ADCY7: variants seen among roughly 807,000 people sequenced by gnomAD.
ADCY7 encodes the protein adenylate cyclase type 7.
Under a neutral mutation model 120.6 loss-of-function variants are expected in ADCY7, and 72 were observed. The ratio of observed to expected loss-of-function variants is 0.60; its 90% CI spans 0.49 to 0.73. The LOEUF is 0.73. ADCY7 is among the 30% of genes least tolerant of loss of function. ADCY7 has a pLI of 0.00. For missense variants in ADCY7, 1,227 were observed against 1,486.0 expected, an observed-to-expected ratio of 0.83 and a Z score of 2.87; for synonymous variants, 661 against 628.0, an observed-to-expected ratio of 1.05 and a Z score of -0.78.
intron 17 of ADCY7, chr16:50,309,027 G>C (rs944267433): frequency 8.8e-6 from 4 of 456,712 alleles, no homozygotes; most frequent in Middle Eastern, 5.8e-4. Context: ...GTGATGCCTT[G>C]AGCCACCACA....
At chr16:50,291,371 C>T (rs540633078) in intron 3 of ADCY7, among the ~76,000 whole-genome samples, 1,862 of 151,518 alleles carry the variant, frequency 0.012, 49 homozygotes, top group African/African-American at 0.043. Flanking sequence ...CGGGTGGGGC[C>T]GCATTGCTGG....
At chr16:50,305,447 C>T (rs1596966768) in intron 12 of ADCY7, 56 bp from the exon 13 acceptor site, 9 of 1,510,778 alleles carry the variant, frequency 6.0e-6, no homozygotes, top group Non-Finnish European at 8.3e-6. Context: ...ACACCCTCCT[C>T]TGGGAGAGTT....
chr16:50,268,444 A>G (rs2033354244), intron 1 of ADCY7, among the ~76,000 whole-genome samples: 1 of 152,016 alleles, frequency 6.6e-6, no homozygotes, highest in Non-Finnish European at 1.5e-5. Flanking sequence ...TCTGTCACCC[A>G]TGCTGGAGTG....
chr16:50,244,725 C>T (rs1475718560), upstream of ADCY7, among the ~76,000 whole-genome samples: 2 of 152,236 alleles, frequency 1.3e-5, no homozygotes, highest in African/African-American at 2.4e-5. Context: ...CCATTACCGG[C>T]GCAGGGAGGC....
intron 1 of ADCY7, among the ~76,000 whole-genome samples, chr16:50,247,005 G>A (rs2032609869): frequency 6.6e-6 from 1 of 152,180 alleles, no homozygotes; most frequent in African/African-American, 2.4e-5. Flanking sequence ...CTGTGTGGTC[G>A]GCTGAAGCCC....
chr16:50,290,415 C>G (rs772384080), intron 2 of ADCY7, 42 bp from the exon 3 acceptor site: 2 of 1,609,910 alleles, frequency 1.2e-6, no homozygotes, highest in South Asian at 2.2e-5. Context: ...TGGCTCTGCA[C>G]TGGGGAAAGC....
Position 50,292,656 on chromosome 16 carries a change from A to G in ADCY7, c.538-20A>G. ...CATGGGCCAGGCCACATAATGAGCC[A>G]AACCCCTGTCTACCCGCAGCTGCTG... On this transcript the variant is annotated intron_variant, in intron 4 of 25. Transcript: ENST00000673801. 5.0e-6 allele frequency: 8 copies of G among 1,612,466 alleles called. No individual in the cohort carries two copies. The highest frequency in any genetic ancestry group is 6.8e-6 in the Non-Finnish European group (8 of 1,179,128).
chr16:50,265,342 T>A (rs12923916), upstream of ADCY7, among the ~76,000 whole-genome samples: 59,213 of 152,090 alleles, frequency 0.39, 12,173 homozygotes, highest in East Asian at 0.65. Flanking sequence ...CACTCCCTCC[T>A]GTGGCCTCTG....
At chr16:50,295,718 G>A (rs1039621805) in intron 7 of ADCY7, among the ~76,000 whole-genome samples, 2 of 152,078 alleles carry the variant, frequency 1.3e-5, no homozygotes, top group Admixed American at 6.5e-5. Flanking sequence ...TGAGGAGCTC[G>A]ACACGTGCCA....
At position 50,308,711 on chromosome 16, in the gene ADCY7, G is replaced by T. The variant is rs755515598; in HGVS notation, c.1980G>T (p.Arg660Ser). ...GGACGCTCTGCACTATCTCTGAGAG[G>T]GTGGAGACACAGCCCCTGCTGAGGC... ...ARGTLCTISE[R>S]VETQPLLRLT... is the part of the protein sequence containing the mutation. Residue 660 changes from arginine to serine, a missense_variant, in exon 17 of 26, where the codon AGG becomes AGT. This residue lies in a region of ADCY7 where 267 missense variants were observed against 270.0 expected (regional missense o/e 0.99). Transcript: ENST00000673801. 3 of 1,613,604 alleles carry T rather than the reference G, an allele frequency of 1.9e-6. No homozygotes were observed. The highest frequency in any genetic ancestry group is 1.3e-5 in the African/African-American group (1 of 74,950).
rs939302780 is a variant in ADCY7, at chr16:50,313,855, C to T, written c.2752-103C>T. 58 of 869,096 alleles carry T rather than the reference C, an allele frequency of 6.7e-5. No homozygotes were observed. In the South Asian group the frequency reaches 7.5e-4, roughly 11 times the overall value. The allele number at this position is 869,096 out of a possible 1,614,324, so 53.8% of individuals were successfully genotyped here. On this transcript the variant is annotated intron_variant, in intron 22 of 25. Coordinates refer to ENST00000673801, the MANE Select transcript of ADCY7 (RefSeq NM_001114.5). Reference sequence around the variant, plus strand: ...AGCCATGAGACGTGTGTGCGAGAGGCGGCGATGGGTGGAGGGAACCCCACA... The same window carrying T: ...AGCCATGAGACGTGTGTGCGAGAGGTGGCGATGGGTGGAGGGAACCCCACA...
chr16:50,247,473 C>A (rs2032626210), intron 1 of ADCY7, among the ~76,000 whole-genome samples: 1 of 152,094 alleles, frequency 6.6e-6, no homozygotes, highest in South Asian at 2.1e-4. Flanking sequence ...GTGATCCTCC[C>A]ACCTCAGCCT....
chr16:50,288,033 C>A lies in ADCY7; in HGVS notation c.-147C>A. ...CCTTGTTGGCCATGGAGCAGCAGGC[C>A]CAGAGGCCCTCTCCCCAGCCCTGCT... On this transcript the variant is annotated 5_prime_UTR_variant, in exon 2 of 26. Coordinates refer to ENST00000673801, the MANE Select transcript of ADCY7 (RefSeq NM_001114.5). 1.1e-6 allele frequency: 1 copy of A among 921,342 alleles called. No homozygotes were observed. Among genetic ancestry groups the A allele is most frequent in the Non-Finnish European group, 1.6e-6 (1 of 640,084 alleles). The allele number at this position is 921,342 out of a possible 1,614,324, so 57.1% of individuals were successfully genotyped here.
At chr16:50,255,213 C>T (rs1015174017) in intron 1 of ADCY7, among the ~76,000 whole-genome samples, 7 of 150,852 alleles carry the variant, frequency 4.6e-5, no homozygotes, top group South Asian at 2.1e-4. Context: ...GGGAGGATTG[C>T]GTGAGCCTAG....
chr16:50,293,572 C>G lies in ADCY7; in HGVS notation c.836+70C>G, dbSNP rs1567558101. Reference sequence around the variant, plus strand: ...CACCGTTCCACCGGCCCCCAGGCGGCCTCCCCGCCCTATCTGGAGGCTCAG... The same window carrying G: ...CACCGTTCCACCGGCCCCCAGGCGGGCTCCCCGCCCTATCTGGAGGCTCAG... On this transcript the variant is annotated intron_variant, in intron 6 of 25. Transcript: ENST00000673801. The G allele has an allele frequency of 5.2e-6, 8 of 1,545,312 alleles. No homozygotes were observed. The East Asian group carries it at 1.7e-4, about 32-fold the overall frequency.
In ADCY7 at chr16:50,254,426, C is replaced by A. The variant is rs145782150; in HGVS notation, c.-64+8223C>A. ...CCAAATAACTGTTAGAACTAATAAACTAACACAGTGAAGCTGTAAAGTCAA... is the reference window on the plus strand; with the variant it reads ...CCAAATAACTGTTAGAACTAATAAAATAACACAGTGAAGCTGTAAAGTCAA... On this transcript the variant is annotated intron_variant, in intron 1 of 4. Transcript: ENST00000564044. Among the ~76,000 whole-genome samples, 102 of 152,334 alleles carry A rather than the reference C, an allele frequency of 6.7e-4. 1 individual carries two copies. In the East Asian group the frequency reaches 0.018, roughly 27 times the overall value.
intron 3 of ADCY7, among the ~76,000 whole-genome samples, chr16:50,291,108 C>T (rs1266774194): frequency 2.0e-5 from 3 of 151,988 alleles, no homozygotes; most frequent in Non-Finnish European, 4.4e-5. Flanking sequence ...TCAACCAGCT[C>T]GACCTGCAGG....
chr16:50,314,836 G>A (rs1163905314), intron 24 of ADCY7, 178 bp from the exon 25 acceptor site: 7 of 715,746 alleles, frequency 9.8e-6, no homozygotes, highest in Non-Finnish European at 1.6e-5. Context: ...GCCGGGGAAT[G>A]CCCTCCTCAT....
chr16:50,313,883 C>A, intron 22 of ADCY7, 75 bp from the exon 23 acceptor site: 1 of 1,277,904 alleles, frequency 7.8e-7, no homozygotes, highest in East Asian at 2.3e-5. Context: ...ACCCCACACC[C>A]TTCCTGAGAA....
Sources: allele counts gnomAD v4.1 joint callset (sites outside exome capture counted in the v4.1 genomes callset), GRCh38; gene constraint gnomAD v4.1.1; regional missense constraint gnomAD v4.1.1; transcripts MANE v1.5; gene names NCBI Gene and HGNC (gene_info 2026-07-23, HGNC 2026-07-21).